SCN8A: variants seen among roughly 807,000 people sequenced by gnomAD.
SCN8A encodes the protein sodium voltage-gated channel alpha subunit 8.
A neutral mutation model predicts 184.1 loss-of-function variants in SCN8A; 30 were observed. The observed-to-expected ratio is 0.16, with a 90% CI of 0.12 to 0.22. The LOEUF (loss-of-function observed/expected upper bound fraction) is 0.22, where lower values mean the gene tolerates loss of function less well. Among genes scored for constraint, SCN8A ranks in the 10% least tolerant of loss-of-function variants. SCN8A has a pLI of 1.00. For synonymous variants in SCN8A, 852 were observed against 907.0 expected, an observed-to-expected ratio of 0.94 and a Z score of 1.09; for missense variants, 1,057 against 2,498.9, an observed-to-expected ratio of 0.42 and a Z score of 12.30.
At chr12:51,625,151 G>T (rs1410047862) in intron 1 of SCN8A, among the ~76,000 whole-genome samples, 2 of 152,134 alleles carry the variant, frequency 1.3e-5, no homozygotes, top group Non-Finnish European at 2.9e-5. Flanking sequence ...GAATAATTCC[G>T]TTATCCTAAA....
intron 2 of SCN8A, 133 bp downstream of exon 2, chr12:51,663,226 G>A (rs1940960622): frequency 9.3e-7 from 1 of 1,080,150 alleles, no homozygotes. Flanking sequence ...TCTGGCTTGT[G>A]GGGATTATTT....
intron 1 of SCN8A, among the ~76,000 whole-genome samples, chr12:51,638,785 G>A (rs114564081): frequency 0.018 from 2,798 of 151,914 alleles, 85 homozygotes; most frequent in African/African-American, 0.063. Context: ...ACACCCGGCC[G>A]GAAGGAGTTA....
chr12:51,616,781 T>C (rs1426905554), intron 1 of SCN8A, among the ~76,000 whole-genome samples: 1 of 151,900 alleles, frequency 6.6e-6, no homozygotes, highest in Admixed American at 6.6e-5. Context: ...TAGCCAGGCA[T>C]GGTGGTGCAT....
Position 51,807,896 on chromosome 12 carries a change from A to G in SCN8A, c.*467A>G, listed in dbSNP as rs1565935094. 2 of 190,812 alleles carry G rather than the reference A, an allele frequency of 1.0e-5. No homozygotes were observed. Among genetic ancestry groups the G allele is most frequent in the African/African-American group, 4.7e-5 (2 of 42,144 alleles). The allele number at this position is 190,812 out of a possible 1,614,324, so 11.8% of individuals were successfully genotyped here. On this transcript the variant is annotated 3_prime_UTR_variant, in exon 27 of 27. Coordinates refer to ENST00000627620, the MANE Select transcript of SCN8A (RefSeq NM_001330260.2). The surrounding 1 kb of genome is among the most constrained non-coding windows in gnomAD (Gnocchi z 4.5). ...AGCAGCAAAAAGAAAACACACACAC[A>G]CACTCACATTTAGCCCATGTCATTT... is the stretch of plus-strand genomic sequence containing the variant.
chr12:51,647,260 C>G (rs1341890944), intron 1 of SCN8A, among the ~76,000 whole-genome samples: 2 of 152,204 alleles, frequency 1.3e-5, no homozygotes, highest in African/African-American at 4.8e-5. Flanking sequence ...TATGGATAAT[C>G]ATACATTTAT....
Position 51,706,465 on chromosome 12 carries a change from C to T in SCN8A, c.1385C>T (p.Ala462Val). The T allele has an allele frequency of 6.2e-7, 1 of 1,603,956 alleles. No homozygotes were observed. Among genetic ancestry groups the T allele is most frequent in the Non-Finnish European group, 8.5e-7 (1 of 1,175,564 alleles). ...ATSAGTVSED[A>V]IEEEGEEGGG... ...TCAGCAGGAACTGTCTCAGAAGATG[C>T]CATAGAGGAAGAAGGTGAAGAAGGA... Residue 462 changes from alanine to valine, a missense_variant, in exon 11 of 27, where the codon GCC (alanine) becomes GTC (valine). Transcript: ENST00000627620.
Position 51,758,286 on chromosome 12 carries a change from A to C in SCN8A, c.2371-4217A>C, listed in dbSNP as rs113601498. 1.2e-3 allele frequency among the ~76,000 whole-genome samples: 177 copies of C among 152,330 alleles called. No homozygotes were observed. In the Middle Eastern group the frequency reaches 0.014, roughly 12 times the overall value. On this transcript the variant is annotated intron_variant, in intron 14 of 26. Transcript: ENST00000627620. ...ATCCTGGACAACATAGCAACACCCTATCTGTAAAATAAATATCACAATAAT... is the reference window on the plus strand; with the variant it reads ...ATCCTGGACAACATAGCAACACCCTCTCTGTAAAATAAATATCACAATAAT...
intron 1 of SCN8A, among the ~76,000 whole-genome samples, chr12:51,605,715 T>A (rs1301685360): frequency 6.6e-6 from 1 of 152,232 alleles, no homozygotes; most frequent in Non-Finnish European, 1.5e-5. Flanking sequence ...CCACCAGCAA[T>A]GTAGAAGTGT....
At position 51,721,894 on chromosome 12, in the gene SCN8A, C is replaced by T. The variant is rs76222829; in HGVS notation, c.1984C>T (p.Arg662Cys). 6.2e-7 allele frequency: 1 copy of T among 1,600,020 alleles called. No individual in the cohort carries two copies. Among genetic ancestry groups the T allele is most frequent in the Non-Finnish European group, 8.5e-7 (1 of 1,179,706 alleles). ...IGGPGSHIGG[R>C]LLPEATTEVE... The stretch of plus-strand genomic sequence containing the variant: ...CGGCCCCGGCTCCCACATCGGCGGG[C>T]GTCTCCTGCCAGAGGTGAAAATTGA... The change falls in exon 12 of 27, where the codon CGT becomes TGT. Residue 662 changes from arginine to cysteine, a missense_variant. Transcript: ENST00000627620.
intron 6 of SCN8A, among the ~76,000 whole-genome samples, chr12:51,696,440 T>C: frequency 6.6e-6 from 1 of 152,226 alleles, no homozygotes; most frequent in East Asian, 1.9e-4. Flanking sequence ...TAAATTCCAT[T>C]ACACTGGAAC....
chr12:51,740,908 C>CT (rs1565906868), intron 12 of SCN8A, among the ~76,000 whole-genome samples: 1 of 152,180 alleles, frequency 6.6e-6, no homozygotes, highest in African/African-American at 2.4e-5. Flanking sequence ...CCTCAGCCCT[C>CT]TGATTAGCTG....
Position 51,789,960 on chromosome 12 carries a change from C to T in SCN8A, c.4420-438C>T, listed in dbSNP as rs537265510. Among the ~76,000 whole-genome samples the T allele has an allele frequency of 1.6e-3, 246 of 152,358 alleles. 1 individual carries two copies. Among genetic ancestry groups the T allele is most frequent in the African/African-American group, 5.6e-3 (231 of 41,594 alleles). ...TCCAAGACACCCTCCAAATTGCTTT[C>T]TTGCACCAGAATTTCCAAATTTTGG... is the stretch of plus-strand genomic sequence containing the variant. On this transcript the variant is annotated intron_variant, in intron 24 of 26. Coordinates refer to ENST00000627620, the MANE Select transcript of SCN8A (RefSeq NM_001330260.2).
intron 11 of SCN8A, among the ~76,000 whole-genome samples, chr12:51,708,411 T>C (rs963631346): frequency 6.6e-6 from 1 of 152,318 alleles, no homozygotes; most frequent in African/African-American, 2.4e-5. Flanking sequence ...ATCACATAAA[T>C]AGGTATTTTT....
intron 26 of SCN8A, among the ~76,000 whole-genome samples, chr12:51,795,310 T>A (rs1347963810): frequency 6.6e-6 from 1 of 152,116 alleles, no homozygotes; most frequent in Non-Finnish European, 1.5e-5. Context: ...AACCTAAAAG[T>A]GTGGGGGGAT....
intron 1 of SCN8A, among the ~76,000 whole-genome samples, chr12:51,592,322 C>A (rs920260125): frequency 1.3e-5 from 2 of 151,872 alleles, no homozygotes; most frequent in Admixed American, 6.6e-5. Context: ...GGCTAACTTT[C>A]CAGGGGTTAG....
intron 26 of SCN8A, among the ~76,000 whole-genome samples, chr12:51,798,526 C>T (rs1938472531): frequency 6.6e-6 from 1 of 152,206 alleles, no homozygotes; most frequent in Admixed American, 6.5e-5. Context: ...TTGGTCTCTG[C>T]TACTGGCAAA....
intron 14 of SCN8A, among the ~76,000 whole-genome samples, chr12:51,760,550 T>C (rs1273289139): frequency 6.6e-6 from 1 of 152,172 alleles, no homozygotes; most frequent in Non-Finnish European, 1.5e-5. Context: ...CAGGAACCAG[T>C]GGGATAACAA....
intron 12 of SCN8A, among the ~76,000 whole-genome samples, chr12:51,744,180 G>A (rs1431781747): frequency 6.6e-6 from 1 of 152,134 alleles, no homozygotes; most frequent in Non-Finnish European, 1.5e-5. Context: ...GTGTATGCCT[G>A]TAATCCCAGC....
chr12:51,762,053 G>A (rs1942770496), intron 14 of SCN8A, among the ~76,000 whole-genome samples: 1 of 152,114 alleles, frequency 6.6e-6, no homozygotes. Context: ...TTTACACCTT[G>A]TGGCAAATGT....
Sources: gnomAD v4.1 joint callset for allele counts (sites outside exome capture counted in the v4.1 genomes callset) on GRCh38, gnomAD v4.1.1 for gene constraint, Gnocchi (gnomAD v3.1) non-coding constraint, MANE v1.5 for transcripts, NCBI Gene and HGNC (gene_info 2026-07-23, HGNC 2026-07-21) for gene names.